FAM234A: variants seen among roughly 807,000 people sequenced by gnomAD.
FAM234A encodes the protein family with sequence similarity 234 member A.
Under a neutral mutation model 49.1 loss-of-function variants are expected in FAM234A, and 42 were observed. That is an observed-to-expected ratio of 0.86 (90% confidence interval 0.67 to 1.11). The LOEUF is 1.11. Ranked by LOEUF, FAM234A falls within the 50% of genes least tolerant of loss-of-function variation. The pLI, the probability that FAM234A is intolerant of heterozygous loss-of-function variation, is 0.00. For missense variants in FAM234A, 815 were observed against 745.2 expected (o/e 1.09, Z -1.09); for synonymous variants, 369 against 316.2 (o/e 1.17, Z -1.77).
chr16:269,832 A>G (rs2051838304), downstream of FAM234A: 1 of 480,544 alleles, frequency 2.1e-6, no homozygotes, highest in Admixed American at 3.7e-5. Flanking sequence ...CGTGTAGAGG[A>G]ATAAACCGCG....
At chr16:260,194 G>A in intron 5 of FAM234A, 34 bp downstream of exon 5, 3 of 1,599,546 alleles carry the variant, frequency 1.9e-6, no homozygotes, top group Non-Finnish European at 2.6e-6. Context: ...TCTCACTGAG[G>A]GCCTCTCACC....
At position 262,625 on chromosome 16, in the gene FAM234A, C is replaced by A. The variant is rs1435792497; in HGVS notation, c.971+72C>A. 6 of 1,462,344 alleles carry A rather than the reference C, an allele frequency of 4.1e-6. No homozygotes were observed. In the South Asian group the frequency reaches 7.0e-5, roughly 17 times the overall value. The allele number at this position is 1,462,344 out of a possible 1,614,324, so 90.6% of individuals were successfully genotyped here. A position where few individuals can be genotyped will look rare whatever the true frequency, so the allele number is the denominator to read the frequency against. ...GGCTCTGCTCGCCTGCCTCAGCGTT[C>A]GGACAATCTGTGTGGAGCCCAGAGC... On this transcript the variant is annotated intron_variant, in intron 8 of 12. Transcript: ENST00000399932.
rs1166213723 is a variant in FAM234A at position 265,332 on chromosome 16, G to A, written c.*310G>A. On this transcript the variant is annotated 3_prime_UTR_variant, in exon 13 of 13. Coordinates refer to ENST00000399932, the MANE Select transcript of FAM234A (RefSeq NM_032039.4). ...ATAGTGGTCTCCCTGGCCACCTTGG[G>A]CAGAGCTGGGTCATGCAGCACCCCA... 1 of 1,173,966 alleles carries A rather than the reference G, an allele frequency of 8.5e-7. No individual in the cohort carries two copies. Among genetic ancestry groups the A allele is most frequent in the African/African-American group, 1.6e-5 (1 of 63,670 alleles). The allele number at this position is 1,173,966 out of a possible 1,614,324, so 72.7% of individuals were successfully genotyped here.
At chr16:259,899 A>C in intron 4 of FAM234A, 70 bp from the exon 5 acceptor site, 4 of 1,398,566 alleles carry the variant, frequency 2.9e-6, no homozygotes, top group Non-Finnish European at 4.0e-6. Context: ...CTGGAACAGC[A>C]CATGCTGGGG....
chr16:235,382 A>G (rs137979412), intron 1 of FAM234A, among the ~76,000 whole-genome samples: 9 of 152,182 alleles, frequency 5.9e-5, no homozygotes, highest in Non-Finnish European at 8.8e-5. Context: ...CCCCGAGCGC[A>G]GCCGAGGTTG....
chr16:252,123 A>G, intron 2 of FAM234A, among the ~76,000 whole-genome samples: 1 of 150,200 alleles, frequency 6.7e-6, no homozygotes, highest in Non-Finnish European at 1.5e-5. Flanking sequence ...TTGGCCTCCC[A>G]AAGTACTGGC....
downstream of FAM234A, among the ~76,000 whole-genome samples, chr16:267,376 T>C (rs2141389817): frequency 6.6e-6 from 1 of 152,110 alleles, no homozygotes; most frequent in East Asian, 1.9e-4. Context: ...AAGTCCCTCC[T>C]CCACCATCGA....
rs1458079329 is a variant in FAM234A, at chr16:265,058, C to T, written c.*36C>T. ...GCCAGAGCCTGTGGAGAGACTCCGC[C>T]TGCTGACACTAAACGTCCTGGGAAG... On this transcript the variant is annotated 3_prime_UTR_variant, in exon 13 of 13. Transcript: ENST00000399932. 1.3e-6 allele frequency: 2 copies of T among 1,559,812 alleles called. No homozygotes were observed. The highest frequency in any genetic ancestry group is 2.7e-5 in the African/African-American group (2 of 74,226).
At chr16:264,199 T>C (rs1228604803) in intron 11 of FAM234A, 28 bp downstream of exon 11, 17 of 1,570,766 alleles carry the variant, frequency 1.1e-5, no homozygotes, top group Non-Finnish European at 1.5e-5. Flanking sequence ...GGAGCAGCCA[T>C]GCTGGGAGCC....
At chr16:267,176 C>CT (rs2051715284), downstream of FAM234A, among the ~76,000 whole-genome samples, 1 of 152,070 alleles carries the variant, frequency 6.6e-6, no homozygotes, top group African/African-American at 2.4e-5. Flanking sequence ...GCTCTGTGGC[C>CT]TTAGGGCAGG....
chr16:242,264 G>A (rs2050644533), intron 1 of FAM234A, among the ~76,000 whole-genome samples: 1 of 152,126 alleles, frequency 6.6e-6, no homozygotes. Flanking sequence ...ACCCGGGCTG[G>A]AGTGCAGTAG....
chr16:259,842 C>T, intron 4 of FAM234A, 127 bp from the exon 5 acceptor site: 1 of 868,408 alleles, frequency 1.2e-6, no homozygotes, highest in Non-Finnish European at 1.8e-6. Context: ...AGGAGATCCA[C>T]CTGGCGGGAG....
Position 261,547 on chromosome 16 carries a change from C to T in FAM234A, c.708+33C>T, listed in dbSNP as rs542990833. ...CCAGCCTGGCTCTGCTCCCAAGTCA[C>T]GAGGCCACCTGCCACACGGCCCTGC... On this transcript the variant is annotated intron_variant, in intron 6 of 12. Transcript: ENST00000399932. 1.9e-5 allele frequency: 30 copies of T among 1,549,610 alleles called. No individual in the cohort carries two copies. In the South Asian group the frequency reaches 3.1e-4, roughly 16 times the overall value.
chr16:260,910 C>T, intron 5 of FAM234A: 2 of 323,624 alleles, frequency 6.2e-6, no homozygotes, highest in South Asian at 2.4e-5. Flanking sequence ...CCATTCTTGC[C>T]TTCTATGTGG....
At position 264,611 on chromosome 16, in the gene FAM234A, CAGG is replaced by C. The variant is rs765162042; in HGVS notation, c.1345_1347del (p.Glu449del). ...TGGGGCCCATTGCTGGTTCTCGCTC[CAGG>C]AGACCGGGGAGGCCCGGCACAGCCT... On this transcript the variant is annotated splice_acceptor_variant and coding_sequence_variant, in exon 12 of 13. Coordinates refer to ENST00000399932, the MANE Select transcript of FAM234A (RefSeq NM_032039.4). LOFTEE classifies it high-confidence loss of function. 3.1e-6 allele frequency: 5 copies of C among 1,605,806 alleles called. No individual in the cohort carries two copies. The highest frequency in any genetic ancestry group is 4.3e-6 in the Non-Finnish European group (5 of 1,175,988).
intron 3 of FAM234A, among the ~76,000 whole-genome samples, chr16:257,317 C>T (rs2051275701): frequency 7.1e-6 from 1 of 141,404 alleles, no homozygotes; most frequent in Non-Finnish European, 1.5e-5. Context: ...GCGATCTCGG[C>T]TCACTGCAAC....
chr16:244,902 G>T (rs2050752757), intron 1 of FAM234A, among the ~76,000 whole-genome samples: 1 of 150,892 alleles, frequency 6.6e-6, no homozygotes, highest in Admixed American at 6.6e-5. Flanking sequence ...ATGTTGGTCA[G>T]GCTGGTCTCA....
chr16:268,796 GA>G (rs2051786207), downstream of FAM234A: 1 of 1,550,352 alleles, frequency 6.5e-7, no homozygotes, highest in East Asian at 2.4e-5. Context: ...GGCGACAGCG[GA>G]GAGGCTCTTG....
intron 2 of FAM234A, among the ~76,000 whole-genome samples, chr16:251,740 A>T (rs1223163876): frequency 2.4e-5 from 3 of 124,478 alleles, no homozygotes; most frequent in Non-Finnish European, 4.7e-5. Context: ...GTGGTGGCTC[A>T]TGCCTGTAAT....
Sources: allele counts gnomAD v4.1 joint callset (sites outside exome capture counted in the v4.1 genomes callset), GRCh38; gene constraint gnomAD v4.1.1; transcripts MANE v1.5; gene names NCBI Gene and HGNC (gene_info 2026-07-23, HGNC 2026-07-21).